The following MS4A8 variants were observed in gnomAD, a reference collection of about 807,000 sequenced individuals.
MS4A8 encodes the protein membrane-spanning 4-domains subfamily A member 8.
A neutral mutation model predicts 23.7 loss-of-function variants in MS4A8; 27 were observed. The observed-to-expected ratio is 1.14, with a 90% CI of 0.84 to 1.57. The LOEUF (loss-of-function observed/expected upper bound fraction) is 1.57, where lower values mean the gene tolerates loss of function less well. Among genes scored for constraint, MS4A8 ranks in the 40% most tolerant of loss-of-function variants. The probability of loss-of-function intolerance (pLI) is 0.00; values close to 1 mark genes in which losing one functional copy is unlikely to be tolerated. For missense variants in MS4A8, 301 were observed against 311.4 expected (o/e 0.97, Z 0.25); for synonymous variants, 138 against 126.3 (o/e 1.09, Z -0.62).
At chr11:60,700,096 T>C (rs2088188472) in intron 1 of MS4A8, among the ~76,000 whole-genome samples, 1 of 152,246 alleles carries the variant, frequency 6.6e-6, no homozygotes, top group African/African-American at 2.4e-5. Context: ...TTAACTAATA[T>C]TGACATACCT....
chr11:60,704,310 A>G (rs541744203), intron 3 of MS4A8, among the ~76,000 whole-genome samples: 70 of 151,838 alleles, frequency 4.6e-4, no homozygotes, highest in African/African-American at 1.5e-3. Flanking sequence ...TAGTAGTGAC[A>G]AGATTTCACC....
Position 60,703,509 on chromosome 11 carries a change from C to T in MS4A8, c.342+9C>T. On this transcript the variant is annotated intron_variant, in intron 3 of 6. Transcript: ENST00000300226. ...TCTGGGGAGGCTTGTGGGTGAGTAA[C>T]TCAAGTCCTCCTGCCGATGAGCTCC... is the stretch of plus-strand genomic sequence containing the variant. 1.2e-6 allele frequency: 2 copies of T among 1,605,990 alleles called. No individual in the cohort carries two copies. The highest frequency in any genetic ancestry group is 2.7e-5 in the African/African-American group (2 of 74,440).
Position 60,708,800 on chromosome 11 carries a change from C to G in MS4A8, c.534+19C>G, listed in dbSNP as rs75115621. On this transcript the variant is annotated intron_variant, in intron 5 of 6. Transcript: ENST00000300226. Reference sequence around the variant, plus strand: ...GGGTGTGGTGAGTATCCCTCTCAACCAAAGATCCTCTAAGTTCTGAATTAG... The same window carrying G: ...GGGTGTGGTGAGTATCCCTCTCAACGAAAGATCCTCTAAGTTCTGAATTAG... The G allele has an allele frequency of 8.7e-3, 13,972 of 1,613,354 alleles. 926 individuals carry two copies. The African/African-American group carries it at 0.16, about 18-fold the overall frequency.
At chr11:60,700,825 T>C (rs2088196945) in intron 1 of MS4A8, 35 bp from the exon 2 acceptor site, 8 of 1,608,578 alleles carry the variant, frequency 5.0e-6, no homozygotes, top group Non-Finnish European at 6.8e-6. Flanking sequence ...AGTCCATATG[T>C]GAGGGAAAAT....
intron 6 of MS4A8, 52 bp from the exon 7 acceptor site, chr11:60,715,258 G>A (rs2088333553): frequency 1.9e-6 from 3 of 1,558,054 alleles, no homozygotes; most frequent in East Asian, 4.5e-5. Flanking sequence ...CGAGGCCTTT[G>A]GTGCATGGCC....
chr11:60,708,688 C>A lies in MS4A8; in HGVS notation c.441C>A (p.Ile147=). 1 of 1,590,648 alleles carries A rather than the reference C, an allele frequency of 6.3e-7. No homozygotes were observed. The highest frequency in any genetic ancestry group is 1.4e-5 in the African/African-American group (1 of 73,754). ...TGGGCTTGAACATCGTCAGTGCAATCTGCTCTGCAGTTGGAGTCATACTCT... is the reference window on the plus strand; with the variant it reads ...TGGGCTTGAACATCGTCAGTGCAATATGCTCTGCAGTTGGAGTCATACTCT... ...GSLGLNIVSA[I]CSAVGVILFI... Residue 147 remains isoleucine, a synonymous_variant, in exon 5 of 7, where the codon ATC becomes ATA. Transcript: ENST00000300226.
intron 5 of MS4A8, among the ~76,000 whole-genome samples, chr11:60,713,040 G>A (rs2088312988): frequency 6.6e-6 from 1 of 152,100 alleles, no homozygotes; most frequent in South Asian, 2.1e-4. Flanking sequence ...CTCCTGCTAT[G>A]GTTAATTTAC....
At chr11:60,709,389 A>G (rs2088283080) in intron 5 of MS4A8, among the ~76,000 whole-genome samples, 1 of 139,170 alleles carries the variant, frequency 7.2e-6, no homozygotes, top group South Asian at 2.1e-4. Flanking sequence ...CACATTTAAA[A>G]GAGAGAGAGA....
intron 3 of MS4A8, 131 bp from the exon 4 acceptor site, chr11:60,706,857 T>G: frequency 1.3e-6 from 1 of 768,104 alleles, no homozygotes; most frequent in Admixed American, 1.9e-5. Context: ...AACAGCTCAT[T>G]TTTTCTGTTG....
chr11:60,712,163 A>C, intron 5 of MS4A8: 1 of 255,882 alleles, frequency 3.9e-6, no homozygotes, highest in Non-Finnish European at 6.9e-6. Flanking sequence ...GACATCCTGC[A>C]CTCCCCTTTT....
In MS4A8 at chr11:60,706,856, T is replaced by G. The variant is rs77922265; in HGVS notation, c.343-132T>G. The G allele has an allele frequency of 8.0e-5, 61 of 763,566 alleles. No individual in the cohort carries two copies. In the African/African-American group the frequency reaches 1.0e-3, roughly 12 times the overall value. 47.3% of individuals were successfully genotyped at this position (763,566 alleles called of 1,614,324 possible). A position where few individuals can be genotyped will look rare whatever the true frequency, so the allele number is the denominator to read the frequency against. On this transcript the variant is annotated intron_variant, in intron 3 of 6. Transcript: ENST00000300226. ...TTTTCAGGCAGTGCAAAACAGCTCA[T>G]TTTTTCTGTTGCCCATGTTGAGCTG...
chr11:60,707,177 C>T (rs988743494), intron 4 of MS4A8, 130 bp downstream of exon 4: 3 of 868,248 alleles, frequency 3.5e-6, no homozygotes, highest in Middle Eastern at 2.2e-4. Flanking sequence ...ACGGTGCTCA[C>T]ACACATTCCC....
At chr11:60,701,855 T>C (rs1451388052) in intron 2 of MS4A8, among the ~76,000 whole-genome samples, 1 of 152,162 alleles carries the variant, frequency 6.6e-6, no homozygotes, top group Non-Finnish European at 1.5e-5. Context: ...ATTGGTTAAG[T>C]CAGTGTAATA....
At chr11:60,702,456 G>A (rs747977030) in intron 2 of MS4A8, among the ~76,000 whole-genome samples, 27 of 152,208 alleles carry the variant, frequency 1.8e-4, no homozygotes, top group Admixed American at 3.3e-4. Flanking sequence ...AGGCTGGAGC[G>A]CAGTGGCGCA....
intron 3 of MS4A8, 142 bp downstream of exon 3, chr11:60,703,642 G>A: frequency 1.1e-6 from 1 of 919,844 alleles, no homozygotes; most frequent in East Asian, 2.8e-5. Flanking sequence ...GCCAGCCCTG[G>A]CCTCGTTCCG....
At chr11:60,706,949 C>T in intron 3 of MS4A8, 39 bp from the exon 4 acceptor site, 1 of 1,588,952 alleles carries the variant, frequency 6.3e-7, no homozygotes, top group South Asian at 1.1e-5. Context: ...GGCACCCTAG[C>T]CCCTGACCTC....
Position 60,715,046 on chromosome 11 carries a change from T to C in MS4A8, c.560T>C (p.Val187Ala). 6.2e-7 allele frequency: 1 copy of C among 1,614,164 alleles called. No homozygotes were observed. The highest frequency in any genetic ancestry group is 8.5e-7 in the Non-Finnish European group (1 of 1,180,004). Residue 187 changes from valine to alanine, a missense_variant, in exon 6 of 7, where the codon GTG becomes GCG. Val to Ala is a moderately conservative substitution (Grantham distance 64). Coordinates refer to ENST00000300226, the MANE Select transcript of MS4A8 (RefSeq NM_031457.2). ...GVNPGMAISG[V>A]LLVFCLLEFG... is the part of the protein sequence containing the mutation. Reference sequence around the variant, plus strand: ...AACCCTGGAATGGCGATTTCTGGCGTGCTGCTGGTCTTCTGCCTCCTGGAG... The same window carrying C: ...AACCCTGGAATGGCGATTTCTGGCGCGCTGCTGGTCTTCTGCCTCCTGGAG...
chr11:60,701,290 T>G (rs1339124341), intron 2 of MS4A8: 2 of 681,234 alleles, frequency 2.9e-6, no homozygotes, highest in East Asian at 5.7e-5. Context: ...TTAGGCATTT[T>G]CGGAAAGAGA....
intron 1 of MS4A8, among the ~76,000 whole-genome samples, chr11:60,700,030 C>A (rs2088188050): frequency 1.3e-5 from 2 of 152,316 alleles, no homozygotes; most frequent in African/African-American, 2.4e-5. Flanking sequence ...GGAAGCCACC[C>A]AATGAACAGA....
Sources: allele counts gnomAD v4.1 joint callset (sites outside exome capture counted in the v4.1 genomes callset), GRCh38; gene constraint gnomAD v4.1.1; transcripts MANE v1.5; gene names NCBI Gene and HGNC (gene_info 2026-07-23, HGNC 2026-07-21).